Variants in RFX3 observed in about 807,000 individuals in gnomAD.
The protein encoded by RFX3 is transcription factor RFX3.
A neutral mutation model predicts 98.6 loss-of-function variants in RFX3; 14 were observed. The ratio of observed to expected loss-of-function variants is 0.14; its 90% CI spans 0.09 to 0.22. The LOEUF (loss-of-function observed/expected upper bound fraction) is 0.22. Among genes scored for constraint, RFX3 ranks in the 10% least tolerant of loss-of-function variants. The pLI is 1.00. For synonymous variants in RFX3, 383 were observed against 328.4 expected, an observed-to-expected ratio of 1.17 and a Z score of -1.80; for missense variants, 639 against 926.9, an observed-to-expected ratio of 0.69 and a Z score of 4.03.
rs139453121 is a variant in RFX3, at chr9:3,264,909, C to G, written c.1455+1299G>C. On this transcript the variant is annotated intron_variant, in intron 12 of 16. Transcript: ENST00000617270. ...TGTTACCACATTCACTTTGACAACA[C>G]TGGGAAGGGAAGTGCTTTTAGCTGT... is the stretch of plus-strand genomic sequence containing the variant. Among the ~76,000 whole-genome samples the G allele has an allele frequency of 6.6e-3, 1,008 of 152,290 alleles. 11 individuals are homozygous for G. Among genetic ancestry groups the G allele is most frequent in the African/African-American group, 0.022 (924 of 41,564 alleles).
intron 15 of RFX3, among the ~76,000 whole-genome samples, chr9:3,239,413 T>C (rs1487275978): frequency 6.6e-6 from 1 of 152,244 alleles, no homozygotes; most frequent in Non-Finnish European, 1.5e-5. Context: ...GGGCAAATCC[T>C]GCCCGCAGTG....
chr9:3,397,024 C>T (rs1312576961), intron 1 of RFX3, among the ~76,000 whole-genome samples: 1 of 152,036 alleles, frequency 6.6e-6, no homozygotes, highest in African/African-American at 2.4e-5. Context: ...CAAAGATAGC[C>T]CCAAATCCAT....
At chr9:3,301,516 A>T (rs761467021) in intron 5 of RFX3, 30 bp downstream of exon 5, 1 of 1,471,116 alleles carries the variant, frequency 6.8e-7, no homozygotes, top group South Asian at 1.2e-5. Context: ...CAAGCAAGAG[A>T]TTAGTGTACA....
intron 4 of RFX3, among the ~76,000 whole-genome samples, chr9:3,313,704 G>C (rs1186116696): frequency 6.6e-6 from 1 of 152,186 alleles, no homozygotes; most frequent in Non-Finnish European, 1.5e-5. Flanking sequence ...GAAAACCATG[G>C]CATGAGAACT....
At chr9:3,464,811 T>C (rs532588212) in intron 1 of RFX3, among the ~76,000 whole-genome samples, 74 of 152,278 alleles carry the variant, frequency 4.9e-4, no homozygotes, top group African/African-American at 1.7e-3. Flanking sequence ...CAATGAAATA[T>C]ATGTTGAAGA....
intron 1 of RFX3, among the ~76,000 whole-genome samples, chr9:3,414,989 C>A (rs955831443): frequency 2.3e-5 from 3 of 129,846 alleles, no homozygotes; most frequent in African/African-American, 8.8e-5. Context: ...TATATATACT[C>A]ATATATATAC....
At chr9:3,270,144 G>GAAA (rs2131329644) in intron 11 of RFX3, among the ~76,000 whole-genome samples, 1 of 136,324 alleles carries the variant, frequency 7.3e-6, no homozygotes, top group Admixed American at 7.2e-5. Flanking sequence ...AGAAAGAAAA[G>GAAA]GAGAAAGAAA....
At chr9:3,352,574 C>T (rs1395218736) in intron 2 of RFX3, among the ~76,000 whole-genome samples, 1 of 152,042 alleles carries the variant, frequency 6.6e-6, no homozygotes, top group Non-Finnish European at 1.5e-5. Flanking sequence ...CCTTACACAT[C>T]ATATTAAAAC....
At chr9:3,511,193 A>G (rs1034019999) in intron 1 of RFX3, among the ~76,000 whole-genome samples, 12 of 152,040 alleles carry the variant, frequency 7.9e-5, no homozygotes, top group African/African-American at 2.7e-4. Context: ...TATCTTAATC[A>G]TTTAATTAGG....
intron 1 of RFX3, among the ~76,000 whole-genome samples, chr9:3,429,919 G>C (rs188222267): frequency 1.3e-5 from 2 of 152,076 alleles, no homozygotes; most frequent in African/African-American, 2.4e-5. Flanking sequence ...TCCAACCCAC[G>C]GCCCACTTGC....
chr9:3,388,470 T>C (rs1839950330), intron 2 of RFX3, among the ~76,000 whole-genome samples: 1 of 152,128 alleles, frequency 6.6e-6, no homozygotes, highest in African/African-American at 2.4e-5. Context: ...GTGGAAAGGC[T>C]AAATGTGTGA....
chr9:3,306,803 G>C (rs942711476), intron 4 of RFX3, among the ~76,000 whole-genome samples: 1 of 151,820 alleles, frequency 6.6e-6, no homozygotes, highest in Non-Finnish European at 1.5e-5. Flanking sequence ...TTCTGATAAG[G>C]GCAGGTTAGT....
intron 1 of RFX3, among the ~76,000 whole-genome samples, chr9:3,427,770 C>G (rs1844256554): frequency 6.6e-6 from 1 of 152,076 alleles, no homozygotes; most frequent in Admixed American, 6.6e-5. Flanking sequence ...CAGGAACTCT[C>G]TGGTAAGCCC....
intron 7 of RFX3, among the ~76,000 whole-genome samples, chr9:3,282,075 A>G (rs1221685208): frequency 1.3e-5 from 2 of 151,834 alleles, no homozygotes; most frequent in African/African-American, 2.4e-5. Context: ...GAATAAATTG[A>G]AATACTGAGC....
At chr9:3,278,244 G>C (rs745864156) in intron 7 of RFX3, among the ~76,000 whole-genome samples, 1 of 151,648 alleles carries the variant, frequency 6.6e-6, no homozygotes, top group Non-Finnish European at 1.5e-5. Flanking sequence ...ACATAAAAAA[G>C]CCTGGCCAAG....
intron 4 of RFX3, among the ~76,000 whole-genome samples, chr9:3,321,115 GCTGGTCTCGAACTC>G: frequency 6.6e-6 from 1 of 151,994 alleles, no homozygotes; most frequent in South Asian, 2.1e-4. Flanking sequence ...TGTTGGTCAG[GCTGGTCTCGAACTC>G]CTGACCTCAG....
chr9:3,426,336 T>G (rs1200161450), intron 1 of RFX3, among the ~76,000 whole-genome samples: 1 of 152,130 alleles, frequency 6.6e-6, no homozygotes, highest in African/African-American at 2.4e-5. Flanking sequence ...TTTTTTTTTT[T>G]TTTGTATTAC....
intron 11 of RFX3, among the ~76,000 whole-genome samples, chr9:3,270,103 A>AAAGAAAGAAAGAAAGAAAGG (rs1824212787): frequency 6.8e-6 from 1 of 147,732 alleles, no homozygotes; most frequent in African/African-American, 2.5e-5. Context: ...AGAAAGAAAG[A>AAAGAAAGAAAGAAAGAAAGG]AAGAAAGAAA....
chr9:3,505,244 A>T (rs1816858945), intron 1 of RFX3, among the ~76,000 whole-genome samples: 1 of 74,246 alleles, frequency 1.3e-5, no homozygotes, highest in South Asian at 5.0e-4. Flanking sequence ...ATATATTTAT[A>T]TATATATGAA....
Sources: gnomAD v4.1 joint callset for allele counts (sites outside exome capture counted in the v4.1 genomes callset) on GRCh38, gnomAD v4.1.1 for gene constraint, MANE v1.5 for transcripts, NCBI Gene and HGNC (gene_info 2026-07-23, HGNC 2026-07-21) for gene names.